The following SPAG9 variants were observed in gnomAD, a reference collection of about 807,000 sequenced individuals.
The protein encoded by SPAG9 is C-Jun-amino-terminal kinase-interacting protein 4.
Under a neutral mutation model 166.5 loss-of-function variants are expected in SPAG9, and 35 were observed. That is an observed-to-expected ratio of 0.21 (90% CI 0.16 to 0.28). The LOEUF is 0.28. Ranked by LOEUF, SPAG9 falls within the 10% of genes least tolerant of loss-of-function variation. The pLI is 1.00. For missense variants in SPAG9, 1,235 were observed against 1,603.3 expected (o/e 0.77, Z 3.92); for synonymous variants, 534 against 565.5 (o/e 0.94, Z 0.79).
intron 6 of SPAG9, among the ~76,000 whole-genome samples, chr17:51,025,714 A>C (rs376753972): frequency 5.3e-5 from 8 of 152,118 alleles, no homozygotes; most frequent in Non-Finnish European, 1.0e-4. Flanking sequence ...AACCTGGTGA[A>C]ACACTGTCTC....
At chr17:51,023,652 A>G (rs1281305311) in intron 6 of SPAG9, among the ~76,000 whole-genome samples, 1 of 152,134 alleles carries the variant, frequency 6.6e-6, no homozygotes, top group African/African-American at 2.4e-5. Flanking sequence ...GTATTTTTCC[A>G]GGCGTACATG....
intron 1 of SPAG9, among the ~76,000 whole-genome samples, chr17:51,102,992 A>G (rs1598186639): frequency 6.6e-6 from 1 of 152,256 alleles, no homozygotes; most frequent in South Asian, 2.1e-4. Context: ...TTAAATGCAT[A>G]AATATTTACA....
At chr17:51,005,980 C>G (rs570273127) in intron 11 of SPAG9, 105 bp downstream of exon 11, 25 of 1,356,216 alleles carry the variant, frequency 1.8e-5, no homozygotes, top group Non-Finnish European at 2.5e-5. Flanking sequence ...TCTTGGCCTT[C>G]CAGGCTTGAG....
chr17:50,992,173 C>T (rs1975629799), intron 19 of SPAG9, among the ~76,000 whole-genome samples: 1 of 151,768 alleles, frequency 6.6e-6, no homozygotes, highest in Non-Finnish European at 1.5e-5. Context: ...TGAGTGTGAA[C>T]CTCCATGGCC....
chr17:51,030,139 A>G (rs2046331118), intron 6 of SPAG9, among the ~76,000 whole-genome samples: 1 of 152,174 alleles, frequency 6.6e-6, no homozygotes, highest in Admixed American at 6.5e-5. Context: ...CCATTTACCA[A>G]ATGCACCATG....
intron 24 of SPAG9, among the ~76,000 whole-genome samples, chr17:50,984,575 A>G (rs1190208563): frequency 1.3e-5 from 2 of 152,068 alleles, no homozygotes; most frequent in African/African-American, 4.8e-5. Context: ...TAGTCCAGCT[A>G]CTCGGGAGGC....
intron 2 of SPAG9, among the ~76,000 whole-genome samples, chr17:51,057,000 C>G (rs939281594): frequency 2.6e-5 from 4 of 151,548 alleles, no homozygotes; most frequent in Non-Finnish European, 5.9e-5. Flanking sequence ...AGTACAACTT[C>G]AGGATATTTA....
intron 14 of SPAG9, 167 bp downstream of exon 14, chr17:50,999,494 A>AT (rs2044832507): frequency 1.3e-6 from 2 of 1,496,790 alleles, no homozygotes; most frequent in African/African-American, 1.4e-5. Flanking sequence ...CACACTATAT[A>AT]TTAAAAAAAA....
intron 9 of SPAG9, among the ~76,000 whole-genome samples, chr17:51,012,290 G>A (rs990768965): frequency 9.9e-5 from 15 of 152,018 alleles, no homozygotes; most frequent in African/African-American, 3.6e-4. Flanking sequence ...TAAACTTTCA[G>A]GCCAGACATG....
intron 2 of SPAG9, among the ~76,000 whole-genome samples, chr17:51,077,021 T>TCTATCTAGCTATCTAGCTAGCTAGCTAG (rs1555655271): frequency 3.9e-5 from 3 of 76,120 alleles, no homozygotes; most frequent in Admixed American, 1.2e-4. Context: ...TAGCTAGCTA[T>TCTATCTAGCTATCTAGCTAGCTAGCTAG]CTAGCTATCT....
chr17:50,985,272 C>T (rs1202264927), intron 23 of SPAG9, among the ~76,000 whole-genome samples: 1 of 152,208 alleles, frequency 6.6e-6, no homozygotes, highest in East Asian at 1.9e-4. Context: ...CTCTAAAGAC[C>T]AGAGACATGC....
chr17:51,007,383 A>C, intron 9 of SPAG9, 57 bp from the exon 10 acceptor site: 1 of 901,924 alleles, frequency 1.1e-6, no homozygotes, highest in Non-Finnish European at 1.7e-6. Context: ...AATTATATAC[A>C]TTTAAAATAT....
intron 1 of SPAG9, among the ~76,000 whole-genome samples, chr17:51,109,150 C>T (rs1224742439): frequency 1.3e-5 from 2 of 152,080 alleles, no homozygotes; most frequent in African/African-American, 2.4e-5. Flanking sequence ...GCATGAGCCA[C>T]CACGCCTGGC....
At chr17:51,100,925 AAAAAAAGTTAAAACT>A (rs780313324) in intron 1 of SPAG9, among the ~76,000 whole-genome samples, 41 of 152,258 alleles carry the variant, frequency 2.7e-4, no homozygotes, top group Non-Finnish European at 5.6e-4. Flanking sequence ...CGTCTAAAAA[AAAAAAAGTTAAAACT>A]AAACAAAGCC....
chr17:51,000,555 G>A (rs989126531), intron 13 of SPAG9, among the ~76,000 whole-genome samples: 12 of 152,008 alleles, frequency 7.9e-5, no homozygotes, highest in African/African-American at 2.9e-4. Context: ...CCAACATGGT[G>A]AAACCCTGTC....
intron 29 of SPAG9, among the ~76,000 whole-genome samples, chr17:50,967,270 T>C (rs1201156136): frequency 6.6e-6 from 1 of 152,224 alleles, no homozygotes; most frequent in East Asian, 1.9e-4. Context: ...AGCAGAATCC[T>C]AAAAACATAC....
chr17:51,090,077 AG>A (rs1482636324), intron 1 of SPAG9, among the ~76,000 whole-genome samples: 2 of 152,144 alleles, frequency 1.3e-5, no homozygotes, highest in Non-Finnish European at 2.9e-5. Flanking sequence ...TTCCAGGCAG[AG>A]GTCACAGCAC....
chr17:51,041,352 A>T, intron 5 of SPAG9, 149 bp downstream of exon 5: 1 of 594,864 alleles, frequency 1.7e-6, no homozygotes, highest in Non-Finnish European at 2.8e-6. Flanking sequence ...CTTTGGTAAG[A>T]GCTCATTTCC....
intron 26 of SPAG9, among the ~76,000 whole-genome samples, chr17:50,978,669 T>C (rs1212916531): frequency 6.6e-6 from 1 of 152,188 alleles, no homozygotes; most frequent in African/African-American, 2.4e-5. Context: ...AGTTAGGCTA[T>C]GACCTGAAAG....
Sources: allele counts gnomAD v4.1 joint callset (sites outside exome capture counted in the v4.1 genomes callset), GRCh38; gene constraint gnomAD v4.1.1; transcripts MANE v1.5; gene names NCBI Gene and HGNC (gene_info 2026-07-23, HGNC 2026-07-21).